The following SUDS3 variants were observed in gnomAD, a reference collection of about 807,000 sequenced individuals.
SUDS3 encodes the protein SIN3A corepressor complex component SDS3, also known as sin3 histone deacetylase corepressor complex component SDS3.
In SUDS3, 23 loss-of-function variants were observed where a neutral mutation model predicts 53.5. That is an observed-to-expected ratio of 0.43 (90% CI 0.31 to 0.61). The LOEUF (loss-of-function observed/expected upper bound fraction) is 0.61, where lower values mean the gene tolerates loss of function less well. Among genes scored for constraint, SUDS3 ranks in the 20% least tolerant of loss-of-function variants. The pLI, the probability that SUDS3 is intolerant of heterozygous loss-of-function variation, is 0.10. For missense variants in SUDS3, 291 were observed against 405.9 expected (o/e 0.72, Z 2.43); for synonymous variants, 150 against 148.5 (o/e 1.01, Z -0.08).
At chr12:118,399,372 G>A (rs546067862) in intron 6 of SUDS3, among the ~76,000 whole-genome samples, 16 of 152,262 alleles carry the variant, frequency 1.1e-4, no homozygotes, top group Admixed American at 3.3e-4. Context: ...GTGTGGTGGC[G>A]CATGCTGTAG....
At chr12:118,395,216 GTTTTTTTTTTTTT>G (rs71772462) in intron 6 of SUDS3, among the ~76,000 whole-genome samples, 16 of 80,128 alleles carry the variant, frequency 2.0e-4, no homozygotes, top group Admixed American at 1.4e-3. Context: ...TGGAATCAGG[GTTTTTTTTTTTTT>G]TTTTTTTTTT....
chr12:118,389,970 T>C, intron 5 of SUDS3, 24 bp downstream of exon 5: 1 of 1,613,972 alleles, frequency 6.2e-7, no homozygotes, highest in South Asian at 1.1e-5. Flanking sequence ...ATCTTCTGGG[T>C]TTGCAGGCCC....
chr12:118,389,952 T>A lies in SUDS3; in HGVS notation c.360+6T>A. On this transcript the variant is annotated splice_donor_region_variant and intron_variant, in intron 5 of 11. Coordinates refer to ENST00000543473, the MANE Select transcript of SUDS3 (RefSeq NM_022491.3). ...AACTCTTCCTCCAGCTGGAAGTAAGTACCACGGATCTTCTGGGTTTGCAGG... is the reference window on the plus strand; with the variant it reads ...AACTCTTCCTCCAGCTGGAAGTAAGAACCACGGATCTTCTGGGTTTGCAGG... The A allele has an allele frequency of 6.2e-7, 1 of 1,614,038 alleles. No individual in the cohort carries two copies. The highest frequency in any genetic ancestry group is 1.7e-4 in the Middle Eastern group (1 of 6,060).
intron 1 of SUDS3, among the ~76,000 whole-genome samples, chr12:118,379,875 G>A (rs1205935076): frequency 6.6e-6 from 1 of 152,108 alleles, no homozygotes; most frequent in African/African-American, 2.4e-5. Flanking sequence ...TCTGAAGTAC[G>A]GCTGTCCCTC....
chr12:118,377,735 T>A (rs2046014297), intron 1 of SUDS3, among the ~76,000 whole-genome samples: 1 of 151,848 alleles, frequency 6.6e-6, no homozygotes, highest in African/African-American at 2.4e-5. Flanking sequence ...GGAGGAGAAA[T>A]AGGAAACAAA....
chr12:118,393,009 A>T (rs1032510215), intron 6 of SUDS3, among the ~76,000 whole-genome samples: 2 of 152,220 alleles, frequency 1.3e-5, no homozygotes, highest in South Asian at 4.1e-4. Flanking sequence ...AAAATAGATT[A>T]CAGAAGTGTT....
At chr12:118,379,551 A>T (rs2046034745) in intron 1 of SUDS3, among the ~76,000 whole-genome samples, 1 of 151,934 alleles carries the variant, frequency 6.6e-6, no homozygotes, top group South Asian at 2.1e-4. Context: ...TGCAGTAACC[A>T]CTCCCCCACG....
rs1257911589 is a variant in SUDS3 at position 118,402,020 on chromosome 12, G to T, written c.697+16G>T. 6.2e-7 allele frequency: 1 copy of T among 1,613,850 alleles called. No homozygotes were observed. The highest frequency in any genetic ancestry group is 1.1e-5 in the South Asian group (1 of 91,048). ...AAGAGACCAGGTGAGTGCATGATGT[G>T]TTGGCATTTGTGCAACCTTTTTATC... On this transcript the variant is annotated intron_variant, in intron 9 of 11. Coordinates refer to ENST00000543473, the MANE Select transcript of SUDS3 (RefSeq NM_022491.3).
intron 10 of SUDS3, among the ~76,000 whole-genome samples, chr12:118,407,833 C>A (rs1367877517): frequency 6.6e-6 from 1 of 151,298 alleles, no homozygotes; most frequent in East Asian, 2.0e-4. Flanking sequence ...ATTCTCCTAC[C>A]TCAGCCTCCT....
chr12:118,406,887 C>T (rs532722728), intron 10 of SUDS3, among the ~76,000 whole-genome samples: 2 of 147,298 alleles, frequency 1.4e-5, no homozygotes, highest in Non-Finnish European at 3.0e-5. Flanking sequence ...CCCCGCCCCC[C>T]CATATGAACA....
At chr12:118,378,219 A>G (rs773445227) in intron 1 of SUDS3, among the ~76,000 whole-genome samples, 2 of 152,170 alleles carry the variant, frequency 1.3e-5, no homozygotes, top group Non-Finnish European at 2.9e-5. Context: ...TCGTTTGATC[A>G]TCTGGCCTCC....
intron 7 of SUDS3, among the ~76,000 whole-genome samples, chr12:118,401,360 T>C (rs2046261099): frequency 6.6e-6 from 1 of 152,220 alleles, no homozygotes; most frequent in Non-Finnish European, 1.5e-5. Flanking sequence ...TAACTTCAGG[T>C]TGCTTCTCCT....
intron 2 of SUDS3, 57 bp downstream of exon 2, chr12:118,380,288 A>G (rs2046044828): frequency 7.0e-6 from 10 of 1,436,092 alleles, no homozygotes; most frequent in African/African-American, 1.4e-5. Context: ...ATCTTTATAT[A>G]GATTGAGCAT....
intron 10 of SUDS3, among the ~76,000 whole-genome samples, chr12:118,408,919 A>G (rs1165915545): frequency 6.6e-6 from 1 of 152,138 alleles, no homozygotes; most frequent in African/African-American, 2.4e-5. Flanking sequence ...TACTCAAGAC[A>G]TGACTGTTTA....
chr12:118,380,094 C>T (rs972283139), intron 1 of SUDS3, 68 bp from the exon 2 acceptor site: 11 of 1,279,188 alleles, frequency 8.6e-6, no homozygotes, highest in African/African-American at 2.9e-5. Context: ...AGTGCATACT[C>T]TGTGTCAGGT....
chr12:118,403,313 A>G (rs548094765), intron 9 of SUDS3, 99 bp from the exon 10 acceptor site: 1 of 914,828 alleles, frequency 1.1e-6, no homozygotes, highest in East Asian at 2.6e-5. Flanking sequence ...AGTGATGATT[A>G]TTACCACATT....
chr12:118,387,084 CAGTG>C (rs1566198685), intron 4 of SUDS3, among the ~76,000 whole-genome samples: 1 of 152,274 alleles, frequency 6.6e-6, no homozygotes, highest in Non-Finnish European at 1.5e-5. Context: ...TGTGTCTCCT[CAGTG>C]AGAAGCTGCC....
At chr12:118,399,288 GGTCAGGAGTTT>G (rs1417828958) in intron 6 of SUDS3, among the ~76,000 whole-genome samples, 1 of 152,096 alleles carries the variant, frequency 6.6e-6, no homozygotes, top group African/African-American at 2.4e-5. Flanking sequence ...GATCACTTGA[GGTCAGGAGTTT>G]GAGACCAGCC....
rs1437306898 is a variant in SUDS3, at chr12:118,376,660, G to GT, written c.-31dup. On this transcript the variant is annotated 5_prime_UTR_variant, in exon 1 of 12. Coordinates refer to ENST00000543473, the MANE Select transcript of SUDS3 (RefSeq NM_022491.3). ...CCGAGCGCGGGTGGCCGCGGTGTCC[G>GT]TGGGCCACGCTCAGCTGCGGTCAGA... The GT allele has an allele frequency of 4.9e-6, 7 of 1,436,684 alleles. No homozygotes were observed. The allele number at this position is 1,436,684 out of a possible 1,614,324, so 89.0% of individuals were successfully genotyped here.
Sources: allele counts gnomAD v4.1 joint callset (sites outside exome capture counted in the v4.1 genomes callset), GRCh38; gene constraint gnomAD v4.1.1; transcripts MANE v1.5; gene names NCBI Gene and HGNC (gene_info 2026-07-23, HGNC 2026-07-21).